Variants in MTHFD2L observed in about 807,000 individuals in gnomAD.
MTHFD2L encodes methylenetetrahydrofolate dehydrogenase (NADP+ dependent) 2 like.
A neutral mutation model predicts 34.9 loss-of-function variants in MTHFD2L; 29 were observed. The ratio of observed to expected loss-of-function variants is 0.83; its 90% CI spans 0.62 to 1.13. The LOEUF (loss-of-function observed/expected upper bound fraction) is 1.13, where lower values mean the gene tolerates loss of function less well. MTHFD2L is among the 50% of genes most tolerant of loss of function. The pLI is 0.00. For synonymous variants in MTHFD2L, 167 were observed against 155.7 expected (o/e 1.07, Z -0.54); for missense variants, 481 against 446.5 (o/e 1.08, Z -0.70).
chr4:74,160,314 C>T (rs747755001), intron 1 of MTHFD2L: 21 of 318,848 alleles, frequency 6.6e-5, no homozygotes, highest in Admixed American at 3.2e-4. Flanking sequence ...ACAGATTTAT[C>T]ACCATTTCTG....
In MTHFD2L at chr4:74,172,512, T is replaced by C. The variant is rs575169989; in HGVS notation, c.144-1994T>C. 7.2e-5 allele frequency among the ~76,000 whole-genome samples: 11 copies of C among 152,346 alleles called. No individual in the cohort carries two copies. The South Asian group carries it at 2.3e-3, about 32-fold the overall frequency. On this transcript the variant is annotated intron_variant, in intron 1 of 7. Coordinates refer to ENST00000325278, the MANE Select transcript of MTHFD2L (RefSeq NM_001144978.3). ...AGAATGTCTAGTTGTGATTGTATTG[T>C]CTAACCAATTTGCTCAGTTATTTAC...
chr4:74,266,784 T>A (rs1440903879), intron 6 of MTHFD2L: 2 of 886,804 alleles, frequency 2.3e-6, no homozygotes, highest in African/African-American at 3.6e-5. Flanking sequence ...CAGCACTGAA[T>A]GCCTTAGCTG....
At chr4:74,220,237 C>A (rs568429641) in intron 5 of MTHFD2L, among the ~76,000 whole-genome samples, 3 of 151,668 alleles carry the variant, frequency 2.0e-5, no homozygotes, top group Admixed American at 6.6e-5. Flanking sequence ...ATTTTGATAA[C>A]CTTGGGATGG....
At chr4:74,157,891 C>T (rs1724446330), upstream of MTHFD2L, 1 of 669,302 alleles carries the variant, frequency 1.5e-6, no homozygotes, top group African/African-American at 1.8e-5. Context: ...ACACTGCACG[C>T]TTCCACATCC....
intron 5 of MTHFD2L, among the ~76,000 whole-genome samples, chr4:74,221,013 T>TA (rs1363009169): frequency 6.6e-6 from 1 of 151,156 alleles, no homozygotes; most frequent in Non-Finnish European, 1.5e-5. Flanking sequence ...GTTTTCATTA[T>TA]AAATCTTTCT....
At chr4:74,271,456 C>T (rs1430957356) in intron 6 of MTHFD2L, among the ~76,000 whole-genome samples, 5 of 152,104 alleles carry the variant, frequency 3.3e-5, no homozygotes, top group East Asian at 3.8e-4. Context: ...GTTTTTGTCA[C>T]GTTTGTCAAA....
intron 5 of MTHFD2L, among the ~76,000 whole-genome samples, chr4:74,206,135 A>G (rs1038915618): frequency 8.5e-6 from 1 of 118,248 alleles, no homozygotes; most frequent in Non-Finnish European, 1.6e-5. Context: ...CAAAACTAGT[A>G]AAAAAAAAAA....
chr4:74,217,292 G>A (rs1737364200), intron 5 of MTHFD2L, among the ~76,000 whole-genome samples: 1 of 151,866 alleles, frequency 6.6e-6, no homozygotes. Flanking sequence ...TGCATTTAGT[G>A]TCTATAGAGT....
At chr4:74,279,865 G>A (rs1365171330) in intron 6 of MTHFD2L, among the ~76,000 whole-genome samples, 1 of 152,032 alleles carries the variant, frequency 6.6e-6, no homozygotes, top group East Asian at 1.9e-4. Flanking sequence ...TGACTCTTCT[G>A]TTACATCATT....
chr4:74,266,491 A>G (rs1206433649), intron 6 of MTHFD2L, among the ~76,000 whole-genome samples: 2 of 152,160 alleles, frequency 1.3e-5, no homozygotes, highest in African/African-American at 4.8e-5. Context: ...TACACAGGCT[A>G]TAGGAAAAAT....
chr4:74,203,053 A>G (rs1273494879), intron 5 of MTHFD2L, among the ~76,000 whole-genome samples: 2 of 152,192 alleles, frequency 1.3e-5, no homozygotes, highest in Non-Finnish European at 2.9e-5. Context: ...TAATCCCAGT[A>G]TTAACTTATC....
upstream of MTHFD2L, chr4:74,158,016 C>T: frequency 7.0e-7 from 1 of 1,427,462 alleles, no homozygotes. Context: ...TCTGCCGGAA[C>T]CTGGCTGGGA....
chr4:74,262,979 AGT>A (rs1435744077), intron 6 of MTHFD2L, among the ~76,000 whole-genome samples: 1 of 152,004 alleles, frequency 6.6e-6, no homozygotes, highest in Non-Finnish European at 1.5e-5. Context: ...AGAGGAATAG[AGT>A]GTGTACTTAT....
At chr4:74,133,302 T>G (rs1398335803) in intron 1 of MTHFD2L, among the ~76,000 whole-genome samples, 2 of 152,188 alleles carry the variant, frequency 1.3e-5, no homozygotes, top group African/African-American at 4.8e-5. Flanking sequence ...TTACTTGGGT[T>G]GAATCTGTTT....
At chr4:74,258,596 G>A (rs1160149515) in intron 6 of MTHFD2L, among the ~76,000 whole-genome samples, 3 of 152,148 alleles carry the variant, frequency 2.0e-5, no homozygotes, top group African/African-American at 7.2e-5. Context: ...TTTGGTATAT[G>A]TAGGGAGTTC....
intron 1 of MTHFD2L, among the ~76,000 whole-genome samples, chr4:74,169,740 G>T (rs993535943): frequency 1.3e-5 from 2 of 152,084 alleles, no homozygotes; most frequent in Non-Finnish European, 2.9e-5. Context: ...TGTTATCTTA[G>T]TGCCAAAAGG....
chr4:74,131,584 A>T (rs1328828544), intron 1 of MTHFD2L, among the ~76,000 whole-genome samples: 1 of 152,210 alleles, frequency 6.6e-6, no homozygotes, highest in East Asian at 1.9e-4. Flanking sequence ...AAATTAACTC[A>T]AGATGGATTA....
At chr4:74,127,775 T>A (rs1722183190) in intron 1 of MTHFD2L, among the ~76,000 whole-genome samples, 1 of 152,160 alleles carries the variant, frequency 6.6e-6, no homozygotes, top group African/African-American at 2.4e-5. Flanking sequence ...CAGTAGTTAA[T>A]TGCTGGGTCA....
chr4:74,283,649 G>A (rs16850842), intron 7 of MTHFD2L, among the ~76,000 whole-genome samples: 4 of 152,020 alleles, frequency 2.6e-5, no homozygotes, highest in Non-Finnish European at 4.4e-5. Flanking sequence ...CCAAATGATC[G>A]TGTAAAAGCA....
Sources: gnomAD v4.1 joint callset for allele counts (sites outside exome capture counted in the v4.1 genomes callset) on GRCh38, gnomAD v4.1.1 for gene constraint, MANE v1.5 for transcripts, NCBI Gene and HGNC (gene_info 2026-07-23, HGNC 2026-07-21) for gene names.